LOC128125814: variants seen among roughly 807,000 people sequenced by gnomAD.
the LOC128125814 span, among the ~76,000 whole-genome samples, chr12:57,519,546 G>A: frequency 7.9e-5 from 12 of 152,246 alleles, no homozygotes; most frequent in African/African-American, 2.9e-4. Context: ...CTAGGGGCTA[G>A]AGATGCAATA....
chr12:57,518,510 CTA>C, the LOC128125814 span, among the ~76,000 whole-genome samples: 2 of 152,192 alleles, frequency 1.3e-5, no homozygotes, highest in African/African-American at 4.8e-5. Context: ...GCACCTAAGA[CTA>C]TGTGCAAAGG....
At chr12:57,517,849 A>C in the LOC128125814 span, 2 of 428,692 alleles carry the variant, frequency 4.7e-6, no homozygotes, top group Admixed American at 4.0e-5. Context: ...TTTTTTTGAG[A>C]CCAAGTCTTG....
chr12:57,520,465 C>T, the LOC128125814 span: 485 of 398,598 alleles, frequency 1.2e-3, 5 homozygotes, highest in East Asian at 0.017. Context: ...CGCTGCCACC[C>T]GCTCATCTTT....
the LOC128125814 span, chr12:57,517,766 AAG>A: frequency 4.6e-6 from 2 of 432,656 alleles, no homozygotes; most frequent in Non-Finnish European, 8.1e-6. Context: ...GTGGGCAACA[AAG>A]AGAAATGTCA....
the LOC128125814 span, among the ~76,000 whole-genome samples, chr12:57,518,015 T>G: frequency 1.3e-5 from 2 of 152,062 alleles, no homozygotes; most frequent in Non-Finnish European, 2.9e-5. Context: ...TTAGCAGAGA[T>G]AGGGTTTCAC....
At chr12:57,520,325 T>C in the LOC128125814 span, 6 of 397,858 alleles carry the variant, frequency 1.5e-5, no homozygotes, top group Non-Finnish European at 2.7e-5. Context: ...GGTCCCTAAC[T>C]TCACTGTGGA....
chr12:57,518,650 A>C, the LOC128125814 span, among the ~76,000 whole-genome samples: 2 of 152,102 alleles, frequency 1.3e-5, no homozygotes, highest in African/African-American at 4.8e-5. Context: ...CCAAAGTACT[A>C]GCAAATTTTA....
At chr12:57,520,344 G>A in the LOC128125814 span, 1 of 398,444 alleles carries the variant, frequency 2.5e-6, no homozygotes, top group East Asian at 3.6e-5. Flanking sequence ...GAGGAGTGAG[G>A]CCGATCCTAA....
At chr12:57,518,745 G>A in the LOC128125814 span, among the ~76,000 whole-genome samples, 1 of 152,106 alleles carries the variant, frequency 6.6e-6, no homozygotes, top group Non-Finnish European at 1.5e-5. Context: ...TGCAACCTCC[G>A]CCTGCTGGGT....
the LOC128125814 span, chr12:57,519,386 T>C: frequency 2.7e-6 from 1 of 367,514 alleles, no homozygotes; most frequent in South Asian, 2.0e-5. Flanking sequence ...CTGAGATGAT[T>C]TTTTCCTCTT....
chr12:57,520,079 C>CG, the LOC128125814 span, among the ~76,000 whole-genome samples: 1 of 152,204 alleles, frequency 6.6e-6, no homozygotes, highest in Non-Finnish European at 1.5e-5. Flanking sequence ...AGTCTTAGAG[C>CG]GGGGGTGTGT....
At chr12:57,518,368 A>G in the LOC128125814 span, among the ~76,000 whole-genome samples, 1 of 152,218 alleles carries the variant, frequency 6.6e-6, no homozygotes, top group East Asian at 1.9e-4. Context: ...GGAACAAATC[A>G]TAGCATTTTC....
At chr12:57,520,197 C>A in the LOC128125814 span, among the ~76,000 whole-genome samples, 1 of 152,230 alleles carries the variant, frequency 6.6e-6, no homozygotes. Context: ...CCCAGCAGCA[C>A]AGAGCAGGGC....
the LOC128125814 span, chr12:57,519,294 C>T: frequency 4.1e-6 from 2 of 486,818 alleles, no homozygotes; most frequent in Non-Finnish European, 8.4e-6. Flanking sequence ...ACACTCTGAC[C>T]TCCATCCTGA....
At chr12:57,518,727 C>G in the LOC128125814 span, among the ~76,000 whole-genome samples, 14 of 152,218 alleles carry the variant, frequency 9.2e-5, no homozygotes, top group African/African-American at 3.4e-4. Flanking sequence ...GTGGCGCAAT[C>G]GGCTCACTGC....
the LOC128125814 span, chr12:57,517,747 T>C: frequency 6.3e-6 from 3 of 476,252 alleles, no homozygotes; most frequent in African/African-American, 2.0e-5. Context: ...CACTTCCTTC[T>C]TGAACACTGT....
the LOC128125814 span, chr12:57,520,358 G>C: frequency 2.5e-6 from 1 of 398,544 alleles, no homozygotes; most frequent in Non-Finnish European, 4.4e-6. Context: ...ATCCTAAAGA[G>C]CGGACGCCCC....
At chr12:57,519,820 C>G in the LOC128125814 span, among the ~76,000 whole-genome samples, 2 of 152,230 alleles carry the variant, frequency 1.3e-5, no homozygotes, top group Non-Finnish European at 2.9e-5. Context: ...CCAGGCTGCT[C>G]TCTTGTGCAG....
At chr12:57,519,826 T>G in the LOC128125814 span, among the ~76,000 whole-genome samples, 3 of 152,218 alleles carry the variant, frequency 2.0e-5, no homozygotes, top group African/African-American at 7.2e-5. Context: ...TGCTCTCTTG[T>G]GCAGGAGGCC....
Sources: gnomAD v4.1 joint callset for allele counts (sites outside exome capture counted in the v4.1 genomes callset) on GRCh38, gnomAD v4.1.1 for gene constraint, MANE v1.5 for transcripts.